Variants in ADGRB1 observed in about 807,000 individuals in gnomAD.
ADGRB1 encodes the protein adhesion G protein-coupled receptor B1, also known as brain-specific angiogenesis inhibitor 1.
ADGRB1 carries 36 observed loss-of-function variants against 175.7 expected under a neutral mutation model. The ratio of observed to expected loss-of-function variants is 0.20; its 90% CI spans 0.16 to 0.27. ADGRB1 has a LOEUF of 0.27. ADGRB1 is among the 10% of genes least tolerant of loss of function. The pLI, the probability that ADGRB1 is intolerant of heterozygous loss-of-function variation, is 1.00. For missense variants in ADGRB1, 1,731 were observed against 2,255.3 expected, an observed-to-expected ratio of 0.77 and a Z score of 4.71; for synonymous variants, 1,054 against 979.4, an observed-to-expected ratio of 1.08 and a Z score of -1.42.
chr8:142,481,595 A>T lies in ADGRB1; in HGVS notation c.2014A>T (p.Ile672Phe). 1 of 1,603,446 alleles carries T rather than the reference A, an allele frequency of 6.2e-7. No individual in the cohort carries two copies. The highest frequency in any genetic ancestry group is 8.5e-7 in the Non-Finnish European group (1 of 1,175,224). Residue 672 changes from isoleucine (I) to phenylalanine (F), a missense_variant, in exon 11 of 31, where the codon ATC becomes TTC. This residue lies in a region of ADGRB1 where 388 missense variants were observed against 630.9 expected (regional missense o/e 0.61). Coordinates refer to ENST00000517894, the MANE Select transcript of ADGRB1 (RefSeq NM_001702.3). ...GGAGGTCATCCAGACACTGGTGGAG[A>T]TCTCTCAGGACGGGACCAGCTACAG... ...VSEVIQTLVE[I>F]SQDGTSYSGD...
At chr8:142,536,252 C>T (rs1270964316) in intron 25 of ADGRB1, among the ~76,000 whole-genome samples, 4 of 152,114 alleles carry the variant, frequency 2.6e-5, no homozygotes, top group Non-Finnish European at 4.4e-5. Context: ...CTGTTACCAC[C>T]GCAGTGTCAG....
At chr8:142,490,493 C>T (rs1230787533) in intron 16 of ADGRB1, among the ~76,000 whole-genome samples, 1 of 152,224 alleles carries the variant, frequency 6.6e-6, no homozygotes, top group African/African-American at 2.4e-5. Context: ...GGACTTCAGC[C>T]ATTGCTGCCC....
At chr8:142,523,484 G>GGCAGTAGGGGGTAGAC (rs1240435698) in intron 22 of ADGRB1, among the ~76,000 whole-genome samples, 24 of 152,098 alleles carry the variant, frequency 1.6e-4, no homozygotes, top group Non-Finnish European at 5.9e-5. Context: ...CTGTCTAGGT[G>GGCAGTAGGGGGTAGAC]GCAGTAGGGG....
chr8:142,515,385 G>A (rs996947274), intron 18 of ADGRB1, among the ~76,000 whole-genome samples: 1 of 152,228 alleles, frequency 6.6e-6, no homozygotes, highest in Admixed American at 6.5e-5. Context: ...GGAACCTGCT[G>A]AGCAACGGCC....
intron 17 of ADGRB1, among the ~76,000 whole-genome samples, chr8:142,498,617 C>A (rs1056454274): frequency 6.6e-6 from 1 of 152,066 alleles, no homozygotes; most frequent in Non-Finnish European, 1.5e-5. Context: ...GATGAGGGAC[C>A]ACTATATTGA....
At chr8:142,508,950 TC>T (rs1350997997) in intron 17 of ADGRB1, among the ~76,000 whole-genome samples, 3 of 152,210 alleles carry the variant, frequency 2.0e-5, no homozygotes, top group African/African-American at 7.2e-5. Context: ...CTCCCGGGCC[TC>T]CTCTCAGCTC....
chr8:142,458,508 T>C (rs1332722267), intron 1 of ADGRB1, among the ~76,000 whole-genome samples: 1 of 152,114 alleles, frequency 6.6e-6, no homozygotes, highest in Non-Finnish European at 1.5e-5. Context: ...GGTCAGTGTG[T>C]AGTGAACGTT....
chr8:142,506,939 C>T (rs1015055307), intron 17 of ADGRB1, among the ~76,000 whole-genome samples: 4 of 152,174 alleles, frequency 2.6e-5, no homozygotes, highest in African/African-American at 9.7e-5. Context: ...GGATGGGTCT[C>T]AGGTTGCCCC....
chr8:142,482,605 T>C (rs1350939380), intron 11 of ADGRB1, among the ~76,000 whole-genome samples: 5 of 131,002 alleles, frequency 3.8e-5, no homozygotes, highest in African/African-American at 1.5e-4. Flanking sequence ...CCTCGTCACA[T>C]GCTGAACCCT....
At chr8:142,489,754 T>C (rs1363421824) in intron 16 of ADGRB1, among the ~76,000 whole-genome samples, 4 of 152,150 alleles carry the variant, frequency 2.6e-5, no homozygotes, top group Admixed American at 2.0e-4. Flanking sequence ...CCATGACTTC[T>C]GGCCCCCTAA....
chr8:142,478,000 G>A (rs555837814), intron 6 of ADGRB1, among the ~76,000 whole-genome samples, 187 bp from the exon 7 acceptor site: 118 of 148,886 alleles, frequency 7.9e-4, no homozygotes, highest in Non-Finnish European at 9.4e-4. Context: ...TTACTCACCC[G>A]TGTCCCAGCC....
chr8:142,475,365 C>A, intron 2 of ADGRB1, 109 bp from the exon 3 acceptor site: 1 of 1,124,830 alleles, frequency 8.9e-7, no homozygotes, highest in Non-Finnish European at 1.1e-6. Flanking sequence ...GGCACTGCGG[C>A]CCCTCCCCAC....
rs750297900 is a variant in ADGRB1, at chr8:142,477,309, CAGCCAGGGCAGCGGGG to C, written c.1222+32_1222+47del. On this transcript the variant is annotated intron_variant, in intron 5 of 30. Coordinates refer to ENST00000517894, the MANE Select transcript of ADGRB1 (RefSeq NM_001702.3). ...TGGGACCTTGGGCTGGGGCAGCGGA[CAGCCAGGGCAGCGGGG>C]GGCCAGGGCAGCGGGGGCGGTGGCC... 1.2e-3 allele frequency: 1,833 copies of C among 1,524,196 alleles called. 13 individuals carry two copies. The African/African-American group carries it at 0.019, about 16-fold the overall frequency. 94.4% of individuals were successfully genotyped at this position (1,524,196 alleles called of 1,614,324 possible).
chr8:142,498,502 T>C (rs1054973631), intron 17 of ADGRB1, among the ~76,000 whole-genome samples: 2 of 152,160 alleles, frequency 1.3e-5, no homozygotes, highest in Non-Finnish European at 2.9e-5. Flanking sequence ...TAGTTGGGGC[T>C]GGCAGCCAGG....
rs745575373 is a variant in ADGRB1, at chr8:142,510,156, C to T, written c.2676-776C>T. Among the ~76,000 whole-genome samples, 2 of 152,030 alleles carry T rather than the reference C, an allele frequency of 1.3e-5. No homozygotes were observed. Among genetic ancestry groups the T allele is most frequent in the Non-Finnish European group, 2.9e-5 (2 of 67,972 alleles). ...GGTGGAGAGGAGGAGGAGGGGTTTG[C>T]AGAGCAGGTCAGTCCCTGGTGCACC... On this transcript the variant is annotated intron_variant, in intron 17 of 30. Transcript: ENST00000517894. The surrounding 1 kb of genome is among the most constrained non-coding windows in gnomAD (Gnocchi z 6.3).
At chr8:142,529,209 T>A (rs1000989115) in intron 24 of ADGRB1, among the ~76,000 whole-genome samples, 2 of 152,142 alleles carry the variant, frequency 1.3e-5, no homozygotes, top group Admixed American at 6.5e-5. Context: ...TGCATGTGTG[T>A]GAGTGTGCAT....
rs1316370292 is a variant in ADGRB1, at chr8:142,543,414, G to A, written c.4425G>A (p.Ser1475=). 23 of 1,613,652 alleles carry A rather than the reference G, an allele frequency of 1.4e-5. No individual in the cohort carries two copies. The highest frequency in any genetic ancestry group is 2.7e-5 in the African/African-American group (2 of 74,910). ...CCTTCTCCCTGCAGCGGCGGAAGTCGCGGTATGCAGAACTGGACTTTGAGG... is the reference window on the plus strand; with the variant it reads ...CCTTCTCCCTGCAGCGGCGGAAGTCACGGTATGCAGAACTGGACTTTGAGG... The part of the protein sequence containing the change: ...LSVSSLERRK[S]RYAELDFEKI... Residue 1475 remains serine (S), a synonymous_variant, in exon 29 of 31, where the codon TCG becomes TCA. Coordinates refer to ENST00000517894, the MANE Select transcript of ADGRB1 (RefSeq NM_001702.3). This position sits in a 1 kb window ranked among gnomAD's most constrained non-coding sequence, Gnocchi z 4.4.
chr8:142,475,648 G>T lies in ADGRB1; in HGVS notation c.946+13G>T. 8.1e-7 allele frequency: 1 copy of T among 1,228,298 alleles called. No homozygotes were observed. Among genetic ancestry groups the T allele is most frequent in the Non-Finnish European group, 1.0e-6 (1 of 985,648 alleles). The allele number at this position is 1,228,298 out of a possible 1,614,324, so 76.1% of individuals were successfully genotyped here. On this transcript the variant is annotated intron_variant, in intron 3 of 30. Transcript: ENST00000517894. ...GAGGCCTGCGGCCGTGAGTGCGGGC[G>T]GGGCGGGGCGGAGCCGGAGCCCTGG...
intron 2 of ADGRB1, among the ~76,000 whole-genome samples, chr8:142,467,812 A>C (rs1840361050): frequency 1.3e-5 from 2 of 152,186 alleles, no homozygotes; most frequent in Admixed American, 1.3e-4. Context: ...GAAGGGTAAA[A>C]ATATCTTGTT....
Sources: gnomAD v4.1 joint callset for allele counts (sites outside exome capture counted in the v4.1 genomes callset) on GRCh38, gnomAD v4.1.1 for gene constraint, gnomAD v4.1.1 regional missense constraint, Gnocchi (gnomAD v3.1) non-coding constraint, MANE v1.5 for transcripts, NCBI Gene and HGNC (gene_info 2026-07-23, HGNC 2026-07-21) for gene names.